The following PRTFDC1 variants were observed in gnomAD, a reference collection of about 807,000 sequenced individuals.
PRTFDC1 encodes phosphoribosyltransferase domain-containing protein 1.
Under a neutral mutation model 34.6 loss-of-function variants are expected in PRTFDC1, and 38 were observed. That is an observed-to-expected ratio of 1.10 (90% confidence interval 0.85 to 1.44). The LOEUF (loss-of-function observed/expected upper bound fraction) is 1.44, where lower values mean the gene tolerates loss of function less well. PRTFDC1 is among the 40% of genes most tolerant of loss of function. The probability of loss-of-function intolerance (pLI) is 0.00; values close to 1 mark genes in which losing one functional copy is unlikely to be tolerated. For missense variants in PRTFDC1, 270 were observed against 283.0 expected (o/e 0.95, Z 0.33); for synonymous variants, 93 against 98.1 (o/e 0.95, Z 0.31).
intron 6 of PRTFDC1, among the ~76,000 whole-genome samples, chr10:24,856,027 T>C (rs1442790965): frequency 2.1e-5 from 3 of 140,692 alleles, no homozygotes; most frequent in Non-Finnish European, 4.5e-5. Context: ...AGCAAGAGAA[T>C]TGCTCGAACC....
intron 3 of PRTFDC1, among the ~76,000 whole-genome samples, chr10:24,900,022 T>C (rs894449952): frequency 1.3e-5 from 2 of 152,176 alleles, no homozygotes; most frequent in African/African-American, 2.4e-5. Flanking sequence ...AAGTGGTAGA[T>C]ATGTGGAGAC....
intron 3 of PRTFDC1, among the ~76,000 whole-genome samples, chr10:24,893,258 C>CTG (rs751934197): frequency 6.6e-6 from 1 of 150,886 alleles, no homozygotes; most frequent in African/African-American, 2.4e-5. Flanking sequence ...TTCTTTTGTT[C>CTG]TCTCTCTCTC....
intron 7 of PRTFDC1, 117 bp downstream of exon 7, chr10:24,855,201 G>T: frequency 2.0e-6 from 2 of 1,018,686 alleles, no homozygotes; most frequent in Non-Finnish European, 1.5e-6. Context: ...GCCCTACACA[G>T]TTTCAAATCC....
At chr10:24,867,134 A>T in intron 4 of PRTFDC1, among the ~76,000 whole-genome samples, 1 of 152,124 alleles carries the variant, frequency 6.6e-6, no homozygotes, top group Admixed American at 6.6e-5. Context: ...TTATACAGTT[A>T]TGGGTTCATA....
At chr10:24,891,825 A>G (rs1158950888) in intron 3 of PRTFDC1, among the ~76,000 whole-genome samples, 2 of 152,164 alleles carry the variant, frequency 1.3e-5, no homozygotes, top group Non-Finnish European at 2.9e-5. Flanking sequence ...ACATCAAGCA[A>G]TAAAGGACAG....
intron 7 of PRTFDC1, among the ~76,000 whole-genome samples, chr10:24,854,971 G>A (rs1418629317): frequency 1.3e-5 from 2 of 152,174 alleles, no homozygotes; most frequent in African/African-American, 2.4e-5. Context: ...ATGTGTCTGA[G>A]TCAGTCCAGC....
intron 1 of PRTFDC1, among the ~76,000 whole-genome samples, chr10:24,943,875 TC>T (rs1481010667): frequency 1.3e-5 from 2 of 152,098 alleles, no homozygotes; most frequent in Non-Finnish European, 2.9e-5. Context: ...CTTTACTCAC[TC>T]CTGCACACTT....
intron 3 of PRTFDC1, among the ~76,000 whole-genome samples, chr10:24,887,850 G>C (rs1209774356): frequency 6.6e-6 from 1 of 152,072 alleles, no homozygotes; most frequent in East Asian, 1.9e-4. Context: ...AGGCAGCACT[G>C]GTTACTTCCT....
At chr10:24,870,290 T>C (rs1847850795) in intron 4 of PRTFDC1, among the ~76,000 whole-genome samples, 1 of 152,104 alleles carries the variant, frequency 6.6e-6, no homozygotes, top group Non-Finnish European at 1.5e-5. Flanking sequence ...GTATTTTTAG[T>C]AGAGACAGGG....
chr10:24,876,116 T>C (rs1365867097), intron 3 of PRTFDC1, among the ~76,000 whole-genome samples: 1 of 152,254 alleles, frequency 6.6e-6, no homozygotes, highest in South Asian at 2.1e-4. Context: ...TGGTGGCTCA[T>C]GCCTGCAGAG....
At chr10:24,855,632 A>G (rs191745613) in intron 6 of PRTFDC1, among the ~76,000 whole-genome samples, 1,921 of 152,082 alleles carry the variant, frequency 0.013, 15 homozygotes, top group Middle Eastern at 0.034. Context: ...TGTCTCTACA[A>G]AAAATTAAAA....
intron 3 of PRTFDC1, among the ~76,000 whole-genome samples, chr10:24,896,951 C>T (rs1327555617): frequency 6.6e-6 from 1 of 152,058 alleles, no homozygotes; most frequent in Non-Finnish European, 1.5e-5. Flanking sequence ...GGTGCGAGTC[C>T]GTGGTCCCAG....
At chr10:24,866,813 AAGAAGAGAGAGAAAG>A (rs1254088227) in intron 4 of PRTFDC1, among the ~76,000 whole-genome samples, 7 of 148,538 alleles carry the variant, frequency 4.7e-5, no homozygotes, top group South Asian at 2.2e-4. Context: ...AGAGAGAGAA[AAGAAGAGAGAGAAAG>A]GAAGAGAGAG....
rs78508373 is a variant in PRTFDC1, at chr10:24,879,202, G to T, written c.340-7139C>A. On this transcript the variant is annotated intron_variant, in intron 3 of 8. Coordinates refer to ENST00000320152, the MANE Select transcript of PRTFDC1 (RefSeq NM_020200.7). ...GTTTTCCAATCACTCGTTGATGTGA[G>T]ATGTGACTTGTAATTGAGTCCCTCA... 2.6e-3 allele frequency among the ~76,000 whole-genome samples: 392 copies of T among 152,262 alleles called. 2 individuals are homozygous for T. The highest frequency in any genetic ancestry group is 8.4e-3 in the African/African-American group (349 of 41,548).
At chr10:24,872,196 A>T in intron 3 of PRTFDC1, 133 bp from the exon 4 acceptor site, 2 of 697,874 alleles carry the variant, frequency 2.9e-6, no homozygotes, top group Non-Finnish European at 4.8e-6. Flanking sequence ...ATAGGGATTC[A>T]TGGTTGCCTA....
intron 3 of PRTFDC1, among the ~76,000 whole-genome samples, chr10:24,887,255 C>T (rs1383476343): frequency 6.6e-6 from 1 of 152,110 alleles, no homozygotes; most frequent in African/African-American, 2.4e-5. Flanking sequence ...CAGGCGTGAG[C>T]CACCGCGCCC....
At chr10:24,925,585 T>C (rs530079483) in intron 3 of PRTFDC1, among the ~76,000 whole-genome samples, 1 of 152,342 alleles carries the variant, frequency 6.6e-6, no homozygotes, top group South Asian at 2.1e-4. Context: ...ATACATAGCA[T>C]GCTTAAGTTT....
chr10:24,869,401 C>G (rs916577040), intron 4 of PRTFDC1, among the ~76,000 whole-genome samples: 5 of 152,014 alleles, frequency 3.3e-5, no homozygotes, highest in African/African-American at 1.2e-4. Context: ...TTTCCCAAAC[C>G]CAGTGACAAC....
chr10:24,900,778 A>C (rs1848437206), intron 3 of PRTFDC1, among the ~76,000 whole-genome samples: 3 of 152,206 alleles, frequency 2.0e-5, no homozygotes, highest in Non-Finnish European at 2.9e-5. Context: ...TTATATTTAG[A>C]ATTAAAAAAT....
Sources: allele counts gnomAD v4.1 joint callset (sites outside exome capture counted in the v4.1 genomes callset), GRCh38; gene constraint gnomAD v4.1.1; transcripts MANE v1.5; gene names NCBI Gene and HGNC (gene_info 2026-07-23, HGNC 2026-07-21).